The following CD96 variants were observed in gnomAD, a reference collection of about 807,000 sequenced individuals.
The protein encoded by CD96 is T-cell surface protein tactile.
Under a neutral mutation model 71.3 loss-of-function variants are expected in CD96, and 70 were observed. That is an observed-to-expected ratio of 0.98 (90% CI 0.81 to 1.20). CD96 has a LOEUF of 1.20. Ranked by LOEUF, CD96 falls within the 50% of genes most tolerant of loss-of-function variation. CD96 has a pLI of 0.00. For missense variants in CD96, 742 were observed against 677.5 expected, an observed-to-expected ratio of 1.10 and a Z score of -1.06; for synonymous variants, 248 against 233.0, an observed-to-expected ratio of 1.06 and a Z score of -0.59.
chr3:111,599,211 G>A (rs984858587), intron 6 of CD96, among the ~76,000 whole-genome samples: 3 of 151,802 alleles, frequency 2.0e-5, no homozygotes, highest in Non-Finnish European at 4.4e-5. Context: ...CTCGTGATCC[G>A]CCCGCCTCAG....
At chr3:111,640,679 A>G (rs1346404510) in intron 12 of CD96, among the ~76,000 whole-genome samples, 1 of 152,226 alleles carries the variant, frequency 6.6e-6, no homozygotes, top group African/African-American at 2.4e-5. Flanking sequence ...GCCGAGGCAC[A>G]TTGTCATTAG....
chr3:111,579,203 C>T lies in CD96; in HGVS notation c.720C>T (p.Ile240=), dbSNP rs1425067570. 6.2e-7 allele frequency: 1 copy of T among 1,607,478 alleles called. No individual in the cohort carries two copies. Among genetic ancestry groups the T allele is most frequent in the East Asian group, 2.2e-5 (1 of 44,860 alleles). Reference sequence around the variant, plus strand: ...ACATTAGAGTCGGTCCTAACAAAATCTTGAGGAGCTCCACCACAGTCAAGG... The same window carrying T: ...ACATTAGAGTCGGTCCTAACAAAATTTTGAGGAGCTCCACCACAGTCAAGG... The part of the protein sequence containing the change: ...SCHIRVGPNK[I]LRSSTTVKVF... The change falls in exon 4 of 14, where the codon ATC becomes ATT. Residue 240 remains isoleucine (I), a synonymous_variant. Transcript: ENST00000352690.
At chr3:111,556,225 T>C in intron 2 of CD96, among the ~76,000 whole-genome samples, 1 of 147,564 alleles carries the variant, frequency 6.8e-6, no homozygotes, top group South Asian at 2.1e-4. Flanking sequence ...TTATTATACT[T>C]TAAGTTTTAG....
chr3:111,582,513 T>A (rs1291069659), intron 4 of CD96, among the ~76,000 whole-genome samples: 1 of 152,290 alleles, frequency 6.6e-6, no homozygotes, highest in Non-Finnish European at 1.5e-5. Context: ...AAGAATCAAA[T>A]GTTTCTCTGC....
At chr3:111,663,752 CT>C (rs57510798) in intron 14 of CD96, among the ~76,000 whole-genome samples, 30 of 143,088 alleles carry the variant, frequency 2.1e-4, no homozygotes, top group African/African-American at 5.4e-4. Flanking sequence ...TGCTTATACA[CT>C]TTTTTTTTTT....
rs150695170 is a variant in CD96, at chr3:111,580,875, C to T, written c.751+1641C>T. Among the ~76,000 whole-genome samples the T allele has an allele frequency of 7.4e-4, 113 of 152,324 alleles. 1 individual carries two copies. The highest frequency in any genetic ancestry group is 1.1e-3 in the Non-Finnish European group (73 of 68,032). Reference sequence around the variant, plus strand: ...CTGTCTTAGTGCAAACATGAAACTGCTTCATCTGGTCTATTGTCAAACCAA... The same window carrying T: ...CTGTCTTAGTGCAAACATGAAACTGTTTCATCTGGTCTATTGTCAAACCAA... On this transcript the variant is annotated intron_variant, in intron 4 of 13. Transcript: ENST00000352690.
At chr3:111,555,703 G>C (rs1301980831) in intron 2 of CD96, among the ~76,000 whole-genome samples, 1 of 152,286 alleles carries the variant, frequency 6.6e-6, no homozygotes, top group Non-Finnish European at 1.5e-5. Flanking sequence ...TGTGTCTTTT[G>C]GCTTTCAGAA....
intron 3 of CD96, among the ~76,000 whole-genome samples, chr3:111,573,089 A>G (rs1310701551): frequency 1.3e-5 from 2 of 152,218 alleles, no homozygotes; most frequent in Non-Finnish European, 2.9e-5. Context: ...GAAATCCTAG[A>G]ATATGTGTAC....
intron 3 of CD96, among the ~76,000 whole-genome samples, chr3:111,568,411 A>C (rs1427941190): frequency 6.6e-6 from 1 of 152,254 alleles, no homozygotes; most frequent in African/African-American, 2.4e-5. Context: ...ATAAATTTAA[A>C]AAATTTCACT....
chr3:111,583,499 C>T (rs748248584), intron 4 of CD96, among the ~76,000 whole-genome samples: 2 of 152,240 alleles, frequency 1.3e-5, no homozygotes, highest in African/African-American at 2.4e-5. Context: ...CCACATTTCC[C>T]TTCTGCACTG....
intron 8 of CD96, among the ~76,000 whole-genome samples, chr3:111,610,322 C>T (rs1937853359): frequency 6.6e-6 from 1 of 152,190 alleles, no homozygotes; most frequent in Non-Finnish European, 1.5e-5. Flanking sequence ...CTTCCTGCCT[C>T]AGAAGCTGGT....
At chr3:111,595,163 T>C (rs924277520) in intron 5 of CD96, 3 of 161,540 alleles carry the variant, frequency 1.9e-5, no homozygotes, top group Admixed American at 6.5e-5. Context: ...AAATGGAAAA[T>C]CATATTACAT....
chr3:111,594,255 T>C (rs1286202314), intron 5 of CD96: 1 of 1,509,294 alleles, frequency 6.6e-7, no homozygotes, highest in South Asian at 1.3e-5. Context: ...GCCAAAAGCT[T>C]ATTTGAACCA....
intron 4 of CD96, among the ~76,000 whole-genome samples, chr3:111,581,963 A>G (rs1380265493): frequency 1.3e-5 from 2 of 152,208 alleles, no homozygotes; most frequent in Non-Finnish European, 2.9e-5. Flanking sequence ...ACAAGATTAT[A>G]TCAGTTAGCA....
rs1936656564 is a variant in CD96, at chr3:111,585,310, A to G, written c.752-13A>G. 6.3e-7 allele frequency: 1 copy of G among 1,595,986 alleles called. No individual in the cohort carries two copies. Among genetic ancestry groups the G allele is most frequent in the Admixed American group, 1.7e-5 (1 of 59,990 alleles). ...CATTTGGTGCCACTAACTATGTTTT[A>G]TTTGCCTTTAAGCTAAACCAGAAAT... On this transcript the variant is annotated splice_polypyrimidine_tract_variant and intron_variant, in intron 4 of 13. Transcript: ENST00000352690.
downstream of CD96, among the ~76,000 whole-genome samples, chr3:111,654,309 T>C (rs947540187): frequency 9.2e-5 from 14 of 152,170 alleles, no homozygotes; most frequent in African/African-American, 3.4e-4. Flanking sequence ...TTTTCCTGGA[T>C]TTCCTCGATT....
chr3:111,583,908 A>G (rs1224734922), intron 4 of CD96, among the ~76,000 whole-genome samples: 2 of 152,226 alleles, frequency 1.3e-5, no homozygotes. Flanking sequence ...GGTCTTGTAG[A>G]TTAACATTAG....
At chr3:111,547,171 T>C (rs895687698) in intron 2 of CD96, among the ~76,000 whole-genome samples, 16 of 152,328 alleles carry the variant, frequency 1.1e-4, no homozygotes, top group South Asian at 2.1e-4. Context: ...ACTAGCTTGG[T>C]GATTAAATGA....
intron 13 of CD96, among the ~76,000 whole-genome samples, chr3:111,648,344 T>C (rs1203549889): frequency 3.3e-5 from 5 of 152,198 alleles, no homozygotes; most frequent in Admixed American, 3.3e-4. Context: ...TTACTACTAC[T>C]CTAAGATAAC....
Sources: gnomAD v4.1 joint callset for allele counts (sites outside exome capture counted in the v4.1 genomes callset) on GRCh38, gnomAD v4.1.1 for gene constraint, MANE v1.5 for transcripts, NCBI Gene and HGNC (gene_info 2026-07-23, HGNC 2026-07-21) for gene names.